ANKS1B: variants seen among roughly 807,000 people sequenced by gnomAD.
The protein encoded by ANKS1B is ankyrin repeat and sterile alpha motif domain containing 1B.
ANKS1B carries 36 observed loss-of-function variants against 148.3 expected under a neutral mutation model. The ratio of observed to expected loss-of-function variants is 0.24; its 90% CI spans 0.19 to 0.32. ANKS1B has a LOEUF of 0.32. Among genes scored for constraint, ANKS1B ranks in the 10% least tolerant of loss-of-function variants. ANKS1B has a pLI of 1.00. For missense variants in ANKS1B, 1,157 were observed against 1,542.6 expected (o/e 0.75, Z 4.19); for synonymous variants, 542 against 560.8 (o/e 0.97, Z 0.47).
intron 9 of ANKS1B, among the ~76,000 whole-genome samples, chr12:99,577,676 C>G (rs1015676398): frequency 1.3e-5 from 2 of 151,896 alleles, no homozygotes; most frequent in Admixed American, 1.3e-4. Flanking sequence ...CAGGAGGAAA[C>G]TGAAACACTG....
rs1286681982 is a variant in ANKS1B, at chr12:99,465,108, A to G, written c.1439-21299T>C. On this transcript the variant is annotated intron_variant, in intron 10 of 26. Transcript: ENST00000683438. ...CAGCTGAACTCTCTGCAGAAACTCT[A>G]CAAGCCAGAAGAGAGTGGGGGCCAA... is the stretch of plus-strand genomic sequence containing the variant. Among the ~76,000 whole-genome samples the G allele has an allele frequency of 5.9e-5, 9 of 152,358 alleles. No individual in the cohort carries two copies. In the South Asian group the frequency reaches 1.7e-3, roughly 28 times the overall value.
rs117299643 is a variant in ANKS1B at position 98,844,495 on chromosome 12, T to C, written c.2779-12359A>G. ...CACTCTTCAAACTTTGGTGGCCTCA[T>C]TGAAAATCAGTTTTTGCCAAACTTT... On this transcript the variant is annotated intron_variant, in intron 17 of 26. Transcript: ENST00000683438. Among the ~76,000 whole-genome samples, 78 of 152,352 alleles carry C rather than the reference T, an allele frequency of 5.1e-4. 1 individual carries two copies. In the East Asian group the frequency reaches 9.4e-3, roughly 18 times the overall value.
At chr12:99,572,143 C>G (rs1012426575) in intron 9 of ANKS1B, among the ~76,000 whole-genome samples, 2 of 152,008 alleles carry the variant, frequency 1.3e-5, no homozygotes, top group African/African-American at 4.8e-5. Context: ...CAGTTTGTCT[C>G]TCTGTAAGAT....
intron 17 of ANKS1B, among the ~76,000 whole-genome samples, chr12:99,047,566 A>G (rs2099963323): frequency 6.6e-6 from 1 of 152,202 alleles, no homozygotes; most frequent in Non-Finnish European, 1.5e-5. Flanking sequence ...TGAAAAAGAC[A>G]ACACCTTCAG....
At chr12:98,861,723 C>G (rs1242516333) in intron 17 of ANKS1B, among the ~76,000 whole-genome samples, 1 of 152,172 alleles carries the variant, frequency 6.6e-6, no homozygotes, top group African/African-American at 2.4e-5. Context: ...CATATTAGAG[C>G]TGGCATGAAC....
chr12:99,580,531 T>C (rs1485835965), intron 9 of ANKS1B, among the ~76,000 whole-genome samples: 3 of 152,114 alleles, frequency 2.0e-5, no homozygotes, highest in Non-Finnish European at 2.9e-5. Flanking sequence ...TATTTACTCA[T>C]ATGTTGGAGC....
At chr12:99,417,438 C>T (rs1323864917) in intron 11 of ANKS1B, among the ~76,000 whole-genome samples, 1 of 152,178 alleles carries the variant, frequency 6.6e-6, no homozygotes, top group Non-Finnish European at 1.5e-5. Context: ...ACTACATTGT[C>T]TTAAGTACTG....
rs142573485 is a variant in ANKS1B at position 98,862,237 on chromosome 12, T to C, written c.2779-30101A>G. On this transcript the variant is annotated intron_variant, in intron 17 of 26. Coordinates refer to ENST00000683438, the MANE Select transcript of ANKS1B (RefSeq NM_001352186.2). ...TGATATTGTATAAGAGTACAGGCCC[T>C]AGGGTCAGTCATCCTGGGTTCAGAA... Among the ~76,000 whole-genome samples the C allele has an allele frequency of 3.6e-3, 552 of 152,288 alleles. 6 individuals are homozygous for C. Among genetic ancestry groups the C allele is most frequent in the Non-Finnish European group, 4.3e-3 (290 of 68,006 alleles).
chr12:99,158,235 T>C (rs1566511832), intron 14 of ANKS1B, among the ~76,000 whole-genome samples: 2 of 152,214 alleles, frequency 1.3e-5, no homozygotes, highest in Admixed American at 6.5e-5. Context: ...AAAATACTTT[T>C]ATGGAGTCTT....
chr12:99,058,745 T>A (rs953780039), intron 16 of ANKS1B, among the ~76,000 whole-genome samples: 4 of 46,650 alleles, frequency 8.6e-5, no homozygotes, highest in Non-Finnish European at 1.2e-4. Context: ...TTTTTTTTTT[T>A]TTTTTTTTTT....
intron 16 of ANKS1B, among the ~76,000 whole-genome samples, chr12:99,064,968 T>A (rs2043627744): frequency 6.6e-6 from 1 of 152,216 alleles, no homozygotes; most frequent in African/African-American, 2.4e-5. Flanking sequence ...GTTATTTGTT[T>A]TGATATGTTT....
At chr12:98,759,030 CT>C (rs140906900) in intron 25 of ANKS1B, among the ~76,000 whole-genome samples, 9,281 of 151,566 alleles carry the variant, frequency 0.061, 411 homozygotes, top group Middle Eastern at 0.14. Context: ...ATCCTCCTGC[CT>C]GGGCCTCCCA....
intron 17 of ANKS1B, among the ~76,000 whole-genome samples, chr12:98,981,784 C>G (rs2099911285): frequency 6.6e-6 from 1 of 152,144 alleles, no homozygotes; most frequent in Admixed American, 6.5e-5. Flanking sequence ...TCATAATTAT[C>G]AAAGAAAACT....
chr12:99,784,053 G>A, intron 4 of ANKS1B, among the ~76,000 whole-genome samples: 1 of 151,864 alleles, frequency 6.6e-6, no homozygotes, highest in Admixed American at 6.6e-5. Flanking sequence ...AAAATTTAAT[G>A]TGGCTTAAGA....
chr12:99,178,393 C>T (rs939826907), intron 14 of ANKS1B, among the ~76,000 whole-genome samples: 2 of 152,170 alleles, frequency 1.3e-5, no homozygotes, highest in African/African-American at 4.8e-5. Context: ...ATCATGGCAC[C>T]TCATGGGGAA....
chr12:99,116,160 C>G (rs1041734619), intron 15 of ANKS1B, among the ~76,000 whole-genome samples: 2 of 152,142 alleles, frequency 1.3e-5, no homozygotes, highest in Non-Finnish European at 2.9e-5. Flanking sequence ...TGACACATAG[C>G]AAGCACTCCT....
chr12:99,265,474 G>A (rs2076358886), intron 12 of ANKS1B, among the ~76,000 whole-genome samples: 1 of 152,166 alleles, frequency 6.6e-6, no homozygotes, highest in Admixed American at 6.5e-5. Flanking sequence ...AGCAATCTCT[G>A]TTTTAGCAGA....
intron 16 of ANKS1B, among the ~76,000 whole-genome samples, chr12:99,078,711 T>C (rs1372823129): frequency 1.3e-5 from 2 of 152,302 alleles, no homozygotes; most frequent in South Asian, 2.1e-4. Flanking sequence ...TAGATCATTA[T>C]AAAATGTACC....
intron 17 of ANKS1B, among the ~76,000 whole-genome samples, chr12:98,955,284 G>A (rs1188739018): frequency 6.6e-6 from 1 of 152,132 alleles, no homozygotes; most frequent in Non-Finnish European, 1.5e-5. Context: ...CTTGAAGGAG[G>A]TAAATTATGT....
Sources: gnomAD v4.1 joint callset for allele counts (sites outside exome capture counted in the v4.1 genomes callset) on GRCh38, gnomAD v4.1.1 for gene constraint, MANE v1.5 for transcripts, NCBI Gene and HGNC (gene_info 2026-07-23, HGNC 2026-07-21) for gene names.